NKAIN3: variants seen among roughly 807,000 people sequenced by gnomAD.
NKAIN3 encodes sodium/potassium-transporting ATPase subunit beta-1-interacting protein 3.
Under a neutral mutation model 30.2 loss-of-function variants are expected in NKAIN3, and 25 were observed. That is an observed-to-expected ratio of 0.83 (90% CI 0.60 to 1.16). NKAIN3 has a LOEUF of 1.16. NKAIN3 is among the 50% of genes most tolerant of loss of function. NKAIN3 has a pLI of 0.00. For synonymous variants in NKAIN3, 91 were observed against 89.6 expected, an observed-to-expected ratio of 1.02 and a Z score of -0.09; for missense variants, 225 against 254.1, an observed-to-expected ratio of 0.89 and a Z score of 0.78.
intron 1 of NKAIN3, among the ~76,000 whole-genome samples, chr8:62,418,816 G>A (rs184829497): frequency 1.0e-3 from 153 of 152,280 alleles, no homozygotes; most frequent in African/African-American, 3.4e-3. Context: ...TAATCATGGA[G>A]GTTAGCCTCC....
Position 62,747,083 on chromosome 8 carries a change from T to C in NKAIN3, c.425T>C (p.Phe142Ser), listed in dbSNP as rs1816098829. The change falls in exon 4 of 7, where the codon TTC (phenylalanine) becomes TCC (serine). Residue 142 changes from phenylalanine (F) to serine (S), a missense_variant. Physicochemically the swap from Phe to Ser is radical, Grantham distance 155 (BLOSUM62 -2). Transcript: ENST00000623646. ...YVSVTGCIVD[F>S]QYLEVIHSAV... ...TCTGTCACAGGCTGCATCGTTGACT[T>C]CCAGTACCTGGAGGTCATCCACAGT... 6.2e-7 allele frequency: 1 copy of C among 1,613,704 alleles called. No homozygotes were observed. The highest frequency in any genetic ancestry group is 8.5e-7 in the Non-Finnish European group (1 of 1,179,638).
intron 4 of NKAIN3, among the ~76,000 whole-genome samples, chr8:62,809,332 C>T (rs983914414): frequency 1.3e-5 from 2 of 152,122 alleles, no homozygotes; most frequent in Non-Finnish European, 2.9e-5. Flanking sequence ...TAAAGACAGG[C>T]ATAGGAAATC....
chr8:62,848,454 G>A (rs930144096), intron 4 of NKAIN3, among the ~76,000 whole-genome samples: 5 of 152,198 alleles, frequency 3.3e-5, no homozygotes, highest in African/African-American at 1.2e-4. Flanking sequence ...GTTCATTTGT[G>A]ATTTGGCTCT....
chr8:62,386,592 T>A (rs9298063), intron 1 of NKAIN3, among the ~76,000 whole-genome samples: 147,643 of 152,298 alleles, frequency 0.97, 71,622 homozygotes, highest in East Asian at 1. Flanking sequence ...ACATGAAGGA[T>A]TTTTAATATG....
intron 3 of NKAIN3, among the ~76,000 whole-genome samples, chr8:62,692,033 T>C (rs1813983573): frequency 6.6e-6 from 1 of 152,206 alleles, no homozygotes; most frequent in African/African-American, 2.4e-5. Flanking sequence ...TATAATGATC[T>C]TGGCTTTTCT....
At chr8:62,802,119 T>C (rs557109873) in intron 4 of NKAIN3, among the ~76,000 whole-genome samples, 51 of 152,184 alleles carry the variant, frequency 3.4e-4, no homozygotes, top group African/African-American at 1.1e-3. Context: ...TGGAACTATG[T>C]GAAAAGACCA....
intron 3 of NKAIN3, among the ~76,000 whole-genome samples, chr8:62,679,603 T>C (rs1813589550): frequency 6.6e-6 from 1 of 151,950 alleles, no homozygotes. Flanking sequence ...TGGGGAGGTG[T>C]CAGGAAATTT....
chr8:62,617,993 CTG>C (rs1474265114), intron 3 of NKAIN3, among the ~76,000 whole-genome samples: 2 of 152,198 alleles, frequency 1.3e-5, no homozygotes, highest in African/African-American at 4.8e-5. Context: ...GCATCAAAGA[CTG>C]TAAACCAACA....
intron 4 of NKAIN3, among the ~76,000 whole-genome samples, chr8:62,770,971 A>G (rs903526306): frequency 1.4e-4 from 21 of 152,178 alleles, no homozygotes; most frequent in African/African-American, 5.1e-4. Context: ...AACGACAACA[A>G]AAAATGAGAC....
intron 1 of NKAIN3, among the ~76,000 whole-genome samples, chr8:62,494,344 A>C (rs879494731): frequency 1.3e-5 from 2 of 152,152 alleles, no homozygotes; most frequent in African/African-American, 2.4e-5. Flanking sequence ...CATATGTTGA[A>C]CCAACCTTGC....
chr8:62,868,917 C>G (rs898848059), intron 4 of NKAIN3, among the ~76,000 whole-genome samples: 1 of 151,932 alleles, frequency 6.6e-6, no homozygotes, highest in Non-Finnish European at 1.5e-5. Flanking sequence ...CACTGTTGCT[C>G]ACAGCAGAGA....
intron 4 of NKAIN3, among the ~76,000 whole-genome samples, chr8:62,795,826 A>G (rs919607134): frequency 6.6e-6 from 1 of 152,160 alleles, no homozygotes; most frequent in African/African-American, 2.4e-5. Flanking sequence ...TGTATCAGCT[A>G]GTCATGTTTT....
chr8:62,430,008 C>A (rs1050844138), intron 1 of NKAIN3, among the ~76,000 whole-genome samples: 3 of 151,816 alleles, frequency 2.0e-5, no homozygotes, highest in African/African-American at 7.2e-5. Flanking sequence ...ATTCTCCCAA[C>A]CTTTATCCCC....
At chr8:62,357,809 A>G (rs1461840474) in intron 1 of NKAIN3, among the ~76,000 whole-genome samples, 2 of 152,190 alleles carry the variant, frequency 1.3e-5, no homozygotes, top group African/African-American at 4.8e-5. Flanking sequence ...GATGTCCTCC[A>G]AAATTGAGGT....
intron 4 of NKAIN3, among the ~76,000 whole-genome samples, chr8:62,772,270 T>C (rs77701629): frequency 0.015 from 2,317 of 152,344 alleles, 22 homozygotes; most frequent in Middle Eastern, 0.044. Flanking sequence ...TAGTACACCA[T>C]TGTGTATGTA....
chr8:62,719,818 G>A (rs1007916124), intron 3 of NKAIN3, among the ~76,000 whole-genome samples: 5 of 143,698 alleles, frequency 3.5e-5, no homozygotes, highest in African/African-American at 1.3e-4. Flanking sequence ...GTGCAGCGGC[G>A]CGATCTCGGT....
intron 3 of NKAIN3, among the ~76,000 whole-genome samples, chr8:62,708,416 A>G (rs4738998): frequency 0.89 from 135,850 of 152,162 alleles, 60,845 homozygotes; most frequent in African/African-American, 0.94. Flanking sequence ...GTGTTTTGTA[A>G]TTTTCTTCAT....
chr8:62,832,258 G>GACACACACACAC (rs57632946), intron 4 of NKAIN3, among the ~76,000 whole-genome samples: 2 of 132,600 alleles, frequency 1.5e-5, no homozygotes, highest in African/African-American at 2.8e-5. Context: ...TGACCAAACA[G>GACACACACACAC]ACACACACAC....
intron 1 of NKAIN3, among the ~76,000 whole-genome samples, chr8:62,286,299 T>C (rs1813377675): frequency 6.6e-6 from 1 of 152,172 alleles, no homozygotes; most frequent in South Asian, 2.1e-4. Flanking sequence ...ATACAAAATT[T>C]ATCTTAGCAG....
Sources: allele counts gnomAD v4.1 joint callset (sites outside exome capture counted in the v4.1 genomes callset), GRCh38; gene constraint gnomAD v4.1.1; transcripts MANE v1.5; gene names NCBI Gene and HGNC (gene_info 2026-07-23, HGNC 2026-07-21).